CCNT2: variants seen among roughly 807,000 people sequenced by gnomAD.
CCNT2 encodes the protein cyclin T2.
CCNT2 carries 18 observed loss-of-function variants against 70.0 expected under a neutral mutation model. That is an observed-to-expected ratio of 0.26 (90% CI 0.18 to 0.38). CCNT2 has a LOEUF of 0.38. Ranked by LOEUF, CCNT2 falls within the 10% of genes least tolerant of loss-of-function variation. The pLI, the probability that CCNT2 is intolerant of heterozygous loss-of-function variation, is 1.00. For missense variants in CCNT2, 734 were observed against 890.2 expected, an observed-to-expected ratio of 0.82 and a Z score of 2.23; for synonymous variants, 334 against 313.3, an observed-to-expected ratio of 1.07 and a Z score of -0.70.
At chr2:134,925,029 G>A (rs1256173494) in intron 2 of CCNT2, among the ~76,000 whole-genome samples, 1 of 152,122 alleles carries the variant, frequency 6.6e-6, no homozygotes, top group African/African-American at 2.4e-5. Context: ...AAAAATTGAT[G>A]ATTAGATCCA....
chr2:134,919,126 G>A (rs1218978742), intron 1 of CCNT2, 114 bp downstream of exon 1: 2 of 1,221,668 alleles, frequency 1.6e-6, no homozygotes, highest in Non-Finnish European at 2.2e-6. Flanking sequence ...CCTCGGCGCC[G>A]CGGTCAGGGA....
In CCNT2 at chr2:134,954,060, C is replaced by T. The variant is rs1191746605; in HGVS notation, c.1605C>T (p.His535=). 1 of 1,613,590 alleles carries T rather than the reference C, an allele frequency of 6.2e-7. No individual in the cohort carries two copies. The change falls in exon 9 of 9, where the codon CAC becomes CAT. Residue 535 remains histidine (H), a synonymous_variant. Coordinates refer to ENST00000264157, the MANE Select transcript of CCNT2 (RefSeq NM_058241.3). The part of the protein sequence containing the change: ...MKIKVSSSER[H]SSSDEGSGKS... ...TAAAAGTTTCTTCTTCAGAAAGACACAGCTCTTCTGATGAAGGCAGTGGGA... is the reference window on the plus strand; with the variant it reads ...TAAAAGTTTCTTCTTCAGAAAGACATAGCTCTTCTGATGAAGGCAGTGGGA...
rs775824439 is a variant in CCNT2 at position 134,918,941 on chromosome 2, G to A, written c.87G>A (p.Glu29=). The A allele has an allele frequency of 4.3e-6, 7 of 1,613,962 alleles. No individual in the cohort carries two copies. Among genetic ancestry groups the A allele is most frequent in the Non-Finnish European group, 5.1e-6 (6 of 1,179,988 alleles). Residue 29 remains glutamate, a synonymous_variant, in exon 1 of 9, where the codon GAG becomes GAA. Coordinates refer to ENST00000264157, the MANE Select transcript of CCNT2 (RefSeq NM_058241.3). The part of the protein sequence containing the change: ...ENTPSRRCGV[E]ADKELSCRQQ... ...CGCCGAGCCGCCGCTGCGGAGTGGA[G>A]GCGGATAAAGAGCTCTCGTGCCGCC...
intron 2 of CCNT2, among the ~76,000 whole-genome samples, chr2:134,925,696 G>A (rs1360490773): frequency 1.3e-5 from 2 of 152,006 alleles, no homozygotes; most frequent in African/African-American, 4.8e-5. Flanking sequence ...TGGATTGTTA[G>A]CCACTTTTTG....
In CCNT2 at chr2:134,922,657, G is replaced by A. The variant is rs112164307; in HGVS notation, c.240+2766G>A. On this transcript the variant is annotated intron_variant, in intron 2 of 8. Coordinates refer to ENST00000264157, the MANE Select transcript of CCNT2 (RefSeq NM_058241.3). Reference sequence around the variant, plus strand: ...CAAGCTCAAAAATAAATTTAGTAAAGTGTAAAAGCCCTGGAGCCAAAAGTG... The same window carrying A: ...CAAGCTCAAAAATAAATTTAGTAAAATGTAAAAGCCCTGGAGCCAAAAGTG... Among the ~76,000 whole-genome samples the A allele has an allele frequency of 5.5e-3, 844 of 152,242 alleles. 5 individuals are homozygous for A. The highest frequency in any genetic ancestry group is 0.024 in the Middle Eastern group (7 of 294).
chr2:134,940,167 T>C (rs10190690), intron 4 of CCNT2, among the ~76,000 whole-genome samples: 53,086 of 152,072 alleles, frequency 0.35, 10,082 homozygotes, highest in Middle Eastern at 0.67. Context: ...TCAGTCACAA[T>C]TTCCCATTGT....
In CCNT2 at chr2:134,953,331, C is replaced by A. The variant is rs368278085; in HGVS notation, c.876C>A (p.Val292=). ...LVQNSILVDS[V]TGVPTNPSFQ... is the part of the protein sequence containing the mutation. ...AGAATTCCATTTTAGTAGATAGTGT[C>A]ACTGGTGTGCCTACAAACCCAAGTT... The change falls in exon 9 of 9, where the codon GTC becomes GTA. Residue 292 remains valine (V), a synonymous_variant. Transcript: ENST00000264157. The A allele has an allele frequency of 1.2e-6, 2 of 1,610,470 alleles. No individual in the cohort carries two copies. The highest frequency in any genetic ancestry group is 1.7e-6 in the Non-Finnish European group (2 of 1,177,798).
intron 3 of CCNT2, 68 bp from the exon 4 acceptor site, chr2:134,938,934 G>A (rs1184036268): frequency 2.1e-6 from 2 of 974,540 alleles, no homozygotes; most frequent in African/African-American, 1.6e-5. Flanking sequence ...CTCACAAGAT[G>A]TAACAGTCAT....
chr2:134,958,643 C>G lies in CCNT2; in HGVS notation c.*3995C>G, dbSNP rs45453394. On this transcript the variant is annotated 3_prime_UTR_variant, in exon 9 of 9. Coordinates refer to ENST00000264157, the MANE Select transcript of CCNT2 (RefSeq NM_058241.3). ...AACCTAATTGCTGTAAGCTGACATA[C>G]ATGGAAGCCGAAATCAAAAGGTTGC... 1 of 152,226 alleles carries G rather than the reference C, an allele frequency of 6.6e-6. No homozygotes were observed. Among genetic ancestry groups the G allele is most frequent in the Admixed American group, 6.5e-5 (1 of 15,286 alleles). 9.4% of individuals were successfully genotyped at this position (152,226 alleles called of 1,614,324 possible). A position where few individuals can be genotyped will look rare whatever the true frequency, so the allele number is the denominator to read the frequency against.
intron 2 of CCNT2, among the ~76,000 whole-genome samples, chr2:134,923,778 A>G (rs147223775): frequency 6.1e-4 from 93 of 152,330 alleles, no homozygotes; most frequent in Admixed American, 2.7e-3. Flanking sequence ...AATTAAAACT[A>G]TTACGTGGCT....
intron 7 of CCNT2, among the ~76,000 whole-genome samples, chr2:134,951,909 C>G (rs1416047087): frequency 6.6e-6 from 1 of 152,166 alleles, no homozygotes; most frequent in East Asian, 1.9e-4. Flanking sequence ...TTCAAGTCTT[C>G]TCCAGTCTGT....
intron 7 of CCNT2, among the ~76,000 whole-genome samples, chr2:134,949,586 G>A (rs190715619): frequency 1.3e-5 from 2 of 152,200 alleles, no homozygotes; most frequent in Non-Finnish European, 2.9e-5. Context: ...TATATCTCAT[G>A]CTGTATTATT....
At chr2:134,938,348 T>C (rs912650821) in intron 3 of CCNT2, among the ~76,000 whole-genome samples, 1 of 152,234 alleles carries the variant, frequency 6.6e-6, no homozygotes, top group African/African-American at 2.4e-5. Context: ...TATTTCCTTA[T>C]CACTTTGGTC....
At chr2:134,930,330 G>GT (rs1680649065) in intron 2 of CCNT2, among the ~76,000 whole-genome samples, 1 of 152,172 alleles carries the variant, frequency 6.6e-6, no homozygotes, top group Non-Finnish European at 1.5e-5. Flanking sequence ...TTACTGCAGA[G>GT]TAATTAATAT....
intron 2 of CCNT2, among the ~76,000 whole-genome samples, chr2:134,927,862 T>C (rs1334691202): frequency 6.6e-6 from 1 of 152,226 alleles, no homozygotes; most frequent in Non-Finnish European, 1.5e-5. Flanking sequence ...ATTTTACCCC[T>C]AAATAAGCTA....
At position 134,954,304 on chromosome 2, in the gene CCNT2, T is replaced by G. The variant is rs200686479; in HGVS notation, c.1849T>G (p.Ser617Ala). ...SDGISSSSSS[S>A]RKRLHVNDAS... ...TGGCATTTCCTCTAGCTCCAGCTCT[T>G]CAAGGAAGAGGCTGCATGTCAATGA... Residue 617 changes from serine (S) to alanine (A), a missense_variant, in exon 9 of 9, where the codon TCA becomes GCA. Ser to Ala is a moderately conservative substitution (Grantham distance 99). Coordinates refer to ENST00000264157, the MANE Select transcript of CCNT2 (RefSeq NM_058241.3). The G allele has an allele frequency of 1.2e-6, 2 of 1,614,176 alleles. No homozygotes were observed. Among genetic ancestry groups the G allele is most frequent in the East Asian group, 4.5e-5 (2 of 44,888 alleles).
At chr2:134,941,190 C>A (rs1450308574) in intron 4 of CCNT2, among the ~76,000 whole-genome samples, 3 of 152,160 alleles carry the variant, frequency 2.0e-5, no homozygotes, top group African/African-American at 7.2e-5. Flanking sequence ...TGTAAAGTTA[C>A]ACCAGGTGTT....
rs953735042 is a variant in CCNT2, at chr2:134,936,445, G to A, written c.241-396G>A. Among the ~76,000 whole-genome samples the A allele has an allele frequency of 1.1e-4, 16 of 151,392 alleles. 1 individual carries two copies. Among genetic ancestry groups the A allele is most frequent in the Admixed American group, 7.9e-4 (12 of 15,198 alleles). ...TATTGCATTCCTTCCTTGCACACCC[G>A]CCCCCCCTTAAAAAATAGAAGGTTT... On this transcript the variant is annotated intron_variant, in intron 2 of 8. Coordinates refer to ENST00000264157, the MANE Select transcript of CCNT2 (RefSeq NM_058241.3).
In CCNT2 at chr2:134,939,075, A is replaced by G. The variant is rs767219211; in HGVS notation, c.430+13A>G. On this transcript the variant is annotated intron_variant, in intron 4 of 8. Transcript: ENST00000264157. ...CTACAAACTCTAGGTACGTACTTAC[A>G]TCAGATAATGGCTTTTTGTGTGTAT... is the stretch of plus-strand genomic sequence containing the variant. 2 of 1,568,174 alleles carry G rather than the reference A, an allele frequency of 1.3e-6. No homozygotes were observed. Among genetic ancestry groups the G allele is most frequent in the Non-Finnish European group, 1.8e-6 (2 of 1,139,884 alleles).
Sources: gnomAD v4.1 joint callset for allele counts (sites outside exome capture counted in the v4.1 genomes callset) on GRCh38, gnomAD v4.1.1 for gene constraint, MANE v1.5 for transcripts, NCBI Gene and HGNC (gene_info 2026-07-23, HGNC 2026-07-21) for gene names.